The following TTF2 variants were observed in gnomAD, a reference collection of about 807,000 sequenced individuals.
TTF2 encodes RNA polymerase II termination factor.
Under a neutral mutation model 142.4 loss-of-function variants are expected in TTF2, and 108 were observed. The ratio of observed to expected loss-of-function variants is 0.76; its 90% CI spans 0.65 to 0.89. The LOEUF (loss-of-function observed/expected upper bound fraction) is 0.89, where lower values mean the gene tolerates loss of function less well. Among genes scored for constraint, TTF2 ranks in the 40% least tolerant of loss-of-function variants. The probability of loss-of-function intolerance (pLI) is 0.00; values close to 1 mark genes in which losing one functional copy is unlikely to be tolerated. For synonymous variants in TTF2, 483 were observed against 506.2 expected, an observed-to-expected ratio of 0.95 and a Z score of 0.61; for missense variants, 1,327 against 1,379.8, an observed-to-expected ratio of 0.96 and a Z score of 0.61.
At position 117,097,499 on chromosome 1, in the gene TTF2, A is replaced by G; in HGVS notation, c.3269+66A>G. 1 of 1,430,858 alleles carries G rather than the reference A, an allele frequency of 7.0e-7. No homozygotes were observed. The highest frequency in any genetic ancestry group is 1.1e-5 in the South Asian group (1 of 87,264). The allele number at this position is 1,430,858 out of a possible 1,614,324, so 88.6% of individuals were successfully genotyped here. On this transcript the variant is annotated intron_variant, in intron 21 of 22. Coordinates refer to ENST00000369466, the MANE Select transcript of TTF2 (RefSeq NM_003594.4). The surrounding 1 kb of genome is among the most constrained non-coding windows in gnomAD (Gnocchi z 4.1). ...AAGGAGGCCAGTGGGCTACAGGGGC[A>G]GCAAGAACTGACTTCTTATGTTGAT...
rs1649646489 is a variant in TTF2 at position 117,102,292 on chromosome 1, T to G, written c.*768T>G. 1 of 152,272 alleles carries G rather than the reference T, an allele frequency of 6.6e-6. No homozygotes were observed. The highest frequency in any genetic ancestry group is 2.4e-5 in the African/African-American group (1 of 41,468). 9.4% of individuals were successfully genotyped at this position (152,272 alleles called of 1,614,324 possible). ...TGATGTTGCACCTGTAACCATCTTTTTATGGGTGGAGCAGAGAGTCAATCC... is the reference window on the plus strand; with the variant it reads ...TGATGTTGCACCTGTAACCATCTTTGTATGGGTGGAGCAGAGAGTCAATCC... On this transcript the variant is annotated 3_prime_UTR_variant, in exon 23 of 23. Transcript: ENST00000369466.
At chr1:117,088,729 T>C in intron 12 of TTF2, 72 bp from the exon 13 acceptor site, 1 of 1,524,090 alleles carries the variant, frequency 6.6e-7, no homozygotes, top group Non-Finnish European at 8.8e-7. Flanking sequence ...TTGCCTGCTA[T>C]TTCCCCTTGT....
chr1:117,072,924 T>C (rs866260346), intron 3 of TTF2, among the ~76,000 whole-genome samples: 13 of 152,322 alleles, frequency 8.5e-5, no homozygotes, highest in Middle Eastern at 3.4e-3. Flanking sequence ...TGCACTCTTT[T>C]AACATACCAG....
intron 3 of TTF2, among the ~76,000 whole-genome samples, chr1:117,068,666 G>T (rs753709946): frequency 2.0e-4 from 31 of 151,956 alleles, no homozygotes; most frequent in Non-Finnish European, 2.9e-5. Context: ...TCCTCGTGTT[G>T]TTGGCTATTG....
Position 117,090,464 on chromosome 1 carries a change from G to A in TTF2, c.2497-68G>A. 1 of 1,451,984 alleles carries A rather than the reference G, an allele frequency of 6.9e-7. No individual in the cohort carries two copies. The highest frequency in any genetic ancestry group is 9.6e-7 in the Non-Finnish European group (1 of 1,045,102). The allele number at this position is 1,451,984 out of a possible 1,614,324, so 89.9% of individuals were successfully genotyped here. On this transcript the variant is annotated intron_variant, in intron 14 of 22. Transcript: ENST00000369466. This position sits in a 1 kb window ranked among gnomAD's most constrained non-coding sequence, Gnocchi z 4.8. Reference sequence around the variant, plus strand: ...GACTAGATATGCAGTGTCAGTATGGGGAATTTGTTCTATAATAGGCAGTTA... The same window carrying A: ...GACTAGATATGCAGTGTCAGTATGGAGAATTTGTTCTATAATAGGCAGTTA...
At chr1:117,091,614 C>A (rs1460424151) in intron 16 of TTF2, among the ~76,000 whole-genome samples, 1 of 152,154 alleles carries the variant, frequency 6.6e-6, no homozygotes, top group Non-Finnish European at 1.5e-5. Context: ...CCTAAATCTG[C>A]TTTATTAAAA....
At chr1:117,082,367 C>G (rs1647599919) in intron 10 of TTF2, among the ~76,000 whole-genome samples, 1 of 152,150 alleles carries the variant, frequency 6.6e-6, no homozygotes, top group African/African-American at 2.4e-5. Flanking sequence ...TTTGCACCAC[C>G]ACACCCAGCT....
At chr1:117,084,910 T>C (rs889340880) in intron 11 of TTF2, among the ~76,000 whole-genome samples, 9 of 152,140 alleles carry the variant, frequency 5.9e-5, no homozygotes, top group Non-Finnish European at 8.8e-5. Context: ...CGGCAGTCTT[T>C]CAGGAGTAAG....
chr1:117,080,032 G>A lies in TTF2; in HGVS notation c.1783+383G>A, dbSNP rs1442048249. ...TCTTTTTTTTTTTTTTTTTTGAGAT[G>A]GAGTTTCGCTCTTGTCACCCAGGCT... On this transcript the variant is annotated intron_variant, in intron 9 of 22. Coordinates refer to ENST00000369466, the MANE Select transcript of TTF2 (RefSeq NM_003594.4). This position sits in a 1 kb window ranked among gnomAD's most constrained non-coding sequence, Gnocchi z 4.3. 7.0e-6 allele frequency among the ~76,000 whole-genome samples: 1 copy of A among 143,644 alleles called. No homozygotes were observed. The highest frequency in any genetic ancestry group is 7.0e-5 in the Admixed American group (1 of 14,270). The allele number at this position is 143,644 out of a possible 152,430, so 94.2% of individuals were successfully genotyped here.
At chr1:117,069,274 T>A (rs1479309090) in intron 3 of TTF2, among the ~76,000 whole-genome samples, 2 of 152,142 alleles carry the variant, frequency 1.3e-5, no homozygotes, top group Non-Finnish European at 2.9e-5. Context: ...GAGATTGGGG[T>A]GCAGTCTCCT....
intron 16 of TTF2, 146 bp from the exon 17 acceptor site, chr1:117,091,671 T>G (rs1185122289): frequency 1.0e-5 from 11 of 1,071,826 alleles, no homozygotes; most frequent in African/African-American, 1.6e-5. Flanking sequence ...TTGGCCTAAT[T>G]GAAGTGGCCT....
chr1:117,062,313 G>A, intron 2 of TTF2, 74 bp from the exon 3 acceptor site: 6 of 1,405,018 alleles, frequency 4.3e-6, no homozygotes, highest in Non-Finnish European at 6.0e-6. Context: ...AAAACCCATA[G>A]TTTTGATTTG....
intron 13 of TTF2, 67 bp downstream of exon 13, chr1:117,089,049 C>A (rs1197860490): frequency 6.7e-7 from 1 of 1,499,814 alleles, no homozygotes; most frequent in African/African-American, 1.4e-5. Flanking sequence ...TATTTCATGT[C>A]TCATAATAAA....
rs542026553 is a variant in TTF2 at position 117,079,902 on chromosome 1, T to A, written c.1783+253T>A. On this transcript the variant is annotated intron_variant, in intron 9 of 22. Coordinates refer to ENST00000369466, the MANE Select transcript of TTF2 (RefSeq NM_003594.4). This position sits in a 1 kb window ranked among gnomAD's most constrained non-coding sequence, Gnocchi z 4.2. ...GATTAAAGAGAGGAGGAGTTTATTT[T>A]TTGGTGGCTCCCACAATCTCTAGGA... is the stretch of plus-strand genomic sequence containing the variant. Among the ~76,000 whole-genome samples the A allele has an allele frequency of 1.7e-4, 26 of 152,290 alleles. 1 individual carries two copies. In the South Asian group the frequency reaches 4.4e-3, roughly 25 times the overall value.
chr1:117,064,300 G>C (rs1394204922), intron 3 of TTF2, among the ~76,000 whole-genome samples: 1 of 149,574 alleles, frequency 6.7e-6, no homozygotes, highest in African/African-American at 2.5e-5. Flanking sequence ...CAACCAACAT[G>C]GTGAAACCCC....
intron 3 of TTF2, among the ~76,000 whole-genome samples, chr1:117,067,998 C>T (rs1376975686): frequency 6.6e-6 from 1 of 152,224 alleles, no homozygotes; most frequent in African/African-American, 2.4e-5. Flanking sequence ...ACTAGCCATT[C>T]GGCCATGGCC....
intron 10 of TTF2, among the ~76,000 whole-genome samples, chr1:117,083,055 A>G (rs1258696241): frequency 2.0e-5 from 3 of 151,998 alleles, no homozygotes; most frequent in Non-Finnish European, 4.4e-5. Flanking sequence ...ATCCTGACTA[A>G]TACGGTGAAA....
chr1:117,091,703 A>G lies in TTF2; in HGVS notation c.2672-114A>G. 2.2e-6 allele frequency: 3 copies of G among 1,360,624 alleles called. No homozygotes were observed. In the African/African-American group the frequency reaches 4.4e-5, roughly 20 times the overall value. The allele number at this position is 1,360,624 out of a possible 1,614,324, so 84.3% of individuals were successfully genotyped here. A position where few individuals can be genotyped will look rare whatever the true frequency, so the allele number is the denominator to read the frequency against. On this transcript the variant is annotated intron_variant, in intron 16 of 22. Coordinates refer to ENST00000369466, the MANE Select transcript of TTF2 (RefSeq NM_003594.4). The stretch of plus-strand genomic sequence containing the variant: ...GCCTATAGAAGTGAGTTGTAACTAT[A>G]TTATTGAGTCTGAGATCAAACATGG...
Position 117,088,822 on chromosome 1 carries a change from C to T in TTF2, c.2182C>T (p.Arg728Ter), listed in dbSNP as rs376286717. 24 of 1,613,566 alleles carry T rather than the reference C, an allele frequency of 1.5e-5. No homozygotes were observed. The highest frequency in any genetic ancestry group is 1.7e-5 in the Non-Finnish European group (20 of 1,179,804). Residue 728 changes from arginine to a stop codon, truncating the protein, a stop_gained, in exon 13 of 23, where the codon CGA becomes TGA. Coordinates refer to ENST00000369466, the MANE Select transcript of TTF2 (RefSeq NM_003594.4). LOFTEE classifies it high-confidence loss of function. ...NVEGTSTPLL[R>*]IAWARIILDE... ...CCAGGGCACCTCAACACCTTTGCTT[C>T]GAATAGCCTGGGCTCGAATCATATT...
Sources: allele counts gnomAD v4.1 joint callset (sites outside exome capture counted in the v4.1 genomes callset), GRCh38; gene constraint gnomAD v4.1.1; non-coding constraint Gnocchi (gnomAD v3.1); transcripts MANE v1.5; gene names NCBI Gene and HGNC (gene_info 2026-07-23, HGNC 2026-07-21).